DIAPH3: variants seen among roughly 807,000 people sequenced by gnomAD.
DIAPH3 encodes the protein diaphanous related formin 3, also known as protein diaphanous homolog 3.
A neutral mutation model predicts 144.3 loss-of-function variants in DIAPH3; 117 were observed. The ratio of observed to expected loss-of-function variants is 0.81; its 90% CI spans 0.70 to 0.95. The LOEUF (loss-of-function observed/expected upper bound fraction) is 0.95. Among genes scored for constraint, DIAPH3 ranks in the 40% least tolerant of loss-of-function variants. The pLI is 0.00. For synonymous variants in DIAPH3, 519 were observed against 488.9 expected (o/e 1.06, Z -0.81); for missense variants, 1,421 against 1,412.7 (o/e 1.01, Z -0.09).
intron 24 of DIAPH3, among the ~76,000 whole-genome samples, chr13:59,816,515 TTC>T (rs1179268375): frequency 1.3e-5 from 2 of 151,650 alleles, no homozygotes; most frequent in East Asian, 1.9e-4. Context: ...ATTATTTATC[TTC>T]TCTTTTTCTT....
chr13:60,050,671 T>C (rs1475723522), intron 4 of DIAPH3, among the ~76,000 whole-genome samples: 4 of 152,280 alleles, frequency 2.6e-5, no homozygotes, highest in East Asian at 1.9e-4. Flanking sequence ...CATCCCCTGA[T>C]AGGATCTTAT....
chr13:60,142,965 C>T (rs1358502702), intron 1 of DIAPH3, among the ~76,000 whole-genome samples: 2 of 151,434 alleles, frequency 1.3e-5, no homozygotes, highest in African/African-American at 4.9e-5. Flanking sequence ...GTTGCCCAGA[C>T]TGGTCTTAAA....
At chr13:59,805,700 A>G (rs1046719167) in intron 25 of DIAPH3, among the ~76,000 whole-genome samples, 2 of 152,008 alleles carry the variant, frequency 1.3e-5, no homozygotes, top group Non-Finnish European at 1.5e-5. Flanking sequence ...AAAAATGAGA[A>G]AACAAAAACG....
Position 59,991,159 on chromosome 13 carries a change from T to G in DIAPH3, c.1360A>C (p.Arg454=). Residue 454 remains arginine, a splice_region_variant and synonymous_variant, in exon 12 of 28, where the codon AGG becomes CGG. Coordinates refer to ENST00000400324, the MANE Select transcript of DIAPH3 (RefSeq NM_001042517.2). ...LLLIRNDYFI[R]QQYFKLIDEC... The stretch of plus-strand genomic sequence containing the variant: ...CATTAGAATACAACTTCCTCTTACC[T>G]TATAAAATAATCATTTCGAATCAGC... 1 of 1,566,124 alleles carries G rather than the reference T, an allele frequency of 6.4e-7. No individual in the cohort carries two copies. The highest frequency in any genetic ancestry group is 8.8e-7 in the Non-Finnish European group (1 of 1,139,026).
chr13:59,672,249 T>G (rs1234262710), intron 27 of DIAPH3, among the ~76,000 whole-genome samples: 4 of 152,206 alleles, frequency 2.6e-5, no homozygotes, highest in Non-Finnish European at 5.9e-5. Flanking sequence ...AAGTTAGTAT[T>G]GATCCCCCCT....
chr13:59,767,061 C>T (rs1419987126), intron 27 of DIAPH3, among the ~76,000 whole-genome samples: 1 of 152,140 alleles, frequency 6.6e-6, no homozygotes, highest in Admixed American at 6.6e-5. Flanking sequence ...CTCTTTCTTG[C>T]TCCTTCCAAG....
chr13:59,758,123 A>G (rs1185059350), intron 27 of DIAPH3, among the ~76,000 whole-genome samples: 1 of 152,252 alleles, frequency 6.6e-6, no homozygotes, highest in African/African-American at 2.4e-5. Context: ...TTGGAAGTAT[A>G]AACTGGTACA....
chr13:59,974,242 T>C (rs1796636299), intron 15 of DIAPH3, 110 bp downstream of exon 15: 8 of 875,320 alleles, frequency 9.1e-6, no homozygotes, highest in Middle Eastern at 2.3e-4. Flanking sequence ...GCTATAAAAA[T>C]ATACAAGCAA....
chr13:60,100,665 G>C (rs893862836), intron 3 of DIAPH3, among the ~76,000 whole-genome samples: 4 of 151,618 alleles, frequency 2.6e-5, no homozygotes, highest in African/African-American at 9.7e-5. Context: ...TCTTCTATAA[G>C]TCTAAAATTA....
intron 27 of DIAPH3, among the ~76,000 whole-genome samples, chr13:59,692,522 A>G (rs1370509898): frequency 3.3e-5 from 5 of 151,368 alleles, no homozygotes; most frequent in Non-Finnish European, 7.4e-5. Context: ...GCTGAAGCCC[A>G]GCCTTACTCC....
intron 2 of DIAPH3, among the ~76,000 whole-genome samples, chr13:60,119,726 G>A (rs533230597): frequency 2.6e-5 from 3 of 115,656 alleles, no homozygotes; most frequent in South Asian, 3.0e-4. Flanking sequence ...CAGCCTGGGC[G>A]ACAGAGCGAG....
At chr13:59,998,181 C>T (rs545627639) in intron 9 of DIAPH3, among the ~76,000 whole-genome samples, 2 of 152,118 alleles carry the variant, frequency 1.3e-5, no homozygotes, top group South Asian at 4.2e-4. Flanking sequence ...CACATTGACT[C>T]AGAGAAATAA....
At chr13:60,075,339 G>A (rs901998205) in intron 4 of DIAPH3, among the ~76,000 whole-genome samples, 1 of 152,042 alleles carries the variant, frequency 6.6e-6, no homozygotes, top group African/African-American at 2.4e-5. Flanking sequence ...CATAGCAAAC[G>A]TTTTCTTCCA....
chr13:60,027,326 T>C (rs945377813), intron 5 of DIAPH3, among the ~76,000 whole-genome samples: 7 of 152,244 alleles, frequency 4.6e-5, no homozygotes, highest in African/African-American at 1.2e-4. Context: ...TAAAATCTAC[T>C]AACCTTCAAA....
chr13:59,686,641 T>C lies in DIAPH3; in HGVS notation c.3320-19795A>G, dbSNP rs376269854. On this transcript the variant is annotated intron_variant, in intron 27 of 27. Coordinates refer to ENST00000400324, the MANE Select transcript of DIAPH3 (RefSeq NM_001042517.2). ...TACTTATGTTTTATACACATTTACTTTGTTGTAGCAAATATAATCTCTGAG... is the reference window on the plus strand; with the variant it reads ...TACTTATGTTTTATACACATTTACTCTGTTGTAGCAAATATAATCTCTGAG... 2.5e-4 allele frequency among the ~76,000 whole-genome samples: 38 copies of C among 152,268 alleles called. No individual in the cohort carries two copies. The East Asian group carries it at 4.6e-3, about 19-fold the overall frequency.
chr13:59,738,980 T>A (rs768334501), intron 27 of DIAPH3, among the ~76,000 whole-genome samples: 55 of 152,170 alleles, frequency 3.6e-4, no homozygotes, highest in Non-Finnish European at 7.3e-4. Context: ...CCTTTTTGAA[T>A]TTTTCTTTTT....
intron 25 of DIAPH3, among the ~76,000 whole-genome samples, chr13:59,803,144 T>C (rs1311642443): frequency 6.6e-6 from 1 of 152,170 alleles, no homozygotes; most frequent in Non-Finnish European, 1.5e-5. Flanking sequence ...TTCTCAATTA[T>C]AATACAATAA....
intron 23 of DIAPH3, chr13:59,838,165 C>T (rs1057078087): frequency 2.6e-5 from 4 of 151,958 alleles, no homozygotes; most frequent in Non-Finnish European, 5.9e-5. Flanking sequence ...TTCATTTGTC[C>T]ATATGGGATT....
intron 17 of DIAPH3, among the ~76,000 whole-genome samples, chr13:59,949,885 C>T (rs2049011679): frequency 1.3e-5 from 2 of 152,152 alleles, no homozygotes; most frequent in Admixed American, 6.6e-5. Context: ...AATCTACCAG[C>T]TAATGATTGT....
Sources: allele counts gnomAD v4.1 joint callset (sites outside exome capture counted in the v4.1 genomes callset), GRCh38; gene constraint gnomAD v4.1.1; transcripts MANE v1.5; gene names NCBI Gene and HGNC (gene_info 2026-07-23, HGNC 2026-07-21).